The following ABRAXAS1 variants were observed in gnomAD, a reference collection of about 807,000 sequenced individuals.
The protein encoded by ABRAXAS1 is abraxas 1, BRCA1 A complex subunit.
Under a neutral mutation model 38.4 loss-of-function variants are expected in ABRAXAS1, and 26 were observed. That is an observed-to-expected ratio of 0.68 (90% CI 0.50 to 0.94). The LOEUF is 0.94. ABRAXAS1 is among the 40% of genes least tolerant of loss of function. The probability of loss-of-function intolerance (pLI) is 0.00; values close to 1 mark genes in which losing one functional copy is unlikely to be tolerated. For synonymous variants in ABRAXAS1, 144 were observed against 165.5 expected (o/e 0.87, Z 1.00); for missense variants, 438 against 481.9 (o/e 0.91, Z 0.85).
intron 6 of ABRAXAS1, among the ~76,000 whole-genome samples, chr4:83,468,315 A>C (rs913204711): frequency 6.6e-6 from 1 of 151,672 alleles, no homozygotes; most frequent in African/African-American, 2.4e-5. Context: ...TTAAAAGAAA[A>C]AAAAAAAAAA....
At position 83,459,947 on chromosome 4, in the gene ABRAXAS1, A is replaced by T. The variant is rs919547426; in HGVS notation, c.*2522T>A. 7 of 591,802 alleles carry T rather than the reference A, an allele frequency of 1.2e-5. No individual in the cohort carries two copies. Among genetic ancestry groups the T allele is most frequent in the Non-Finnish European group, 2.0e-5 (7 of 347,794 alleles). 36.7% of individuals were successfully genotyped at this position (591,802 alleles called of 1,614,324 possible). On this transcript the variant is annotated 3_prime_UTR_variant, in exon 9 of 9. Coordinates refer to ENST00000321945, the MANE Select transcript of ABRAXAS1 (RefSeq NM_139076.3). ...GGACTAGAGCTAGTTACTATGAAAA[A>T]GTCTCTTAGGCCAAGAGGATTATTA...
In ABRAXAS1 at chr4:83,460,651, C is replaced by T; in HGVS notation, c.*1818G>A. 2 of 280,838 alleles carry T rather than the reference C, an allele frequency of 7.1e-6. No homozygotes were observed. The highest frequency in any genetic ancestry group is 7.4e-5 in the South Asian group (2 of 26,890). 17.4% of individuals were successfully genotyped at this position (280,838 alleles called of 1,614,324 possible). ...GGGCATGTTGGCTCACACCTGTAAT[C>T]CCAGCACTTTGGGAGGCTGAGGTGG... On this transcript the variant is annotated 3_prime_UTR_variant, in exon 9 of 9. Coordinates refer to ENST00000321945, the MANE Select transcript of ABRAXAS1 (RefSeq NM_139076.3).
Position 83,460,675 on chromosome 4 carries a change from GGGCA to G in ABRAXAS1, c.*1790_*1793del. ...TCCCAGCACTTTGGGAGGCTGAGGT[GGGCA>G]GATCACCTGAGGCCAGGAGTTCAGG... On this transcript the variant is annotated 3_prime_UTR_variant, in exon 9 of 9. Transcript: ENST00000321945. The G allele has an allele frequency of 3.2e-6, 1 of 309,916 alleles. No homozygotes were observed. Among genetic ancestry groups the G allele is most frequent in the Non-Finnish European group, 6.1e-6 (1 of 163,964 alleles). 19.2% of individuals were successfully genotyped at this position (309,916 alleles called of 1,614,324 possible).
In ABRAXAS1 at chr4:83,459,831, A is replaced by G. The variant is rs374372792; in HGVS notation, c.*2638T>C. 2 of 1,497,414 alleles carry G rather than the reference A, an allele frequency of 1.3e-6. No homozygotes were observed. The highest frequency in any genetic ancestry group is 1.4e-5 in the African/African-American group (1 of 71,950). 92.8% of individuals were successfully genotyped at this position (1,497,414 alleles called of 1,614,324 possible). On this transcript the variant is annotated 3_prime_UTR_variant, in exon 9 of 9. Coordinates refer to ENST00000321945, the MANE Select transcript of ABRAXAS1 (RefSeq NM_139076.3). Reference sequence around the variant, plus strand: ...TTTTTTATTATGGGAATATAAATGTAGATACGAATTATATCAATCTATTTC... The same window carrying G: ...TTTTTTATTATGGGAATATAAATGTGGATACGAATTATATCAATCTATTTC...
Position 83,460,660 on chromosome 4 carries a change from T to G in ABRAXAS1, c.*1809A>C. The G allele has an allele frequency of 3.5e-6, 1 of 285,898 alleles. No homozygotes were observed. Among genetic ancestry groups the G allele is most frequent in the Non-Finnish European group, 6.7e-6 (1 of 149,394 alleles). 17.7% of individuals were successfully genotyped at this position (285,898 alleles called of 1,614,324 possible). ...GGCTCACACCTGTAATCCCAGCACT[T>G]TGGGAGGCTGAGGTGGGCAGATCAC... is the stretch of plus-strand genomic sequence containing the variant. On this transcript the variant is annotated 3_prime_UTR_variant, in exon 9 of 9. Transcript: ENST00000321945.
chr4:83,483,864 C>T (rs1723081784), intron 1 of ABRAXAS1: 1 of 273,796 alleles, frequency 3.7e-6, no homozygotes, highest in African/African-American at 2.3e-5. Flanking sequence ...TACGGTCCCA[C>T]TCTATCTACA....
Position 83,472,226 on chromosome 4 carries a change from T to C in ABRAXAS1, c.278A>G (p.Lys93Arg), listed in dbSNP as rs1230543521. 5 of 1,517,888 alleles carry C rather than the reference T, an allele frequency of 3.3e-6. No individual in the cohort carries two copies. The highest frequency in any genetic ancestry group is 1.4e-5 in the African/African-American group (1 of 71,012). The allele number at this position is 1,517,888 out of a possible 1,614,324, so 94.0% of individuals were successfully genotyped here. A position where few individuals can be genotyped will look rare whatever the true frequency, so the allele number is the denominator to read the frequency against. Residue 93 changes from lysine (K) to arginine (R), a missense_variant, in exon 4 of 9, where the codon AAA (lysine) becomes AGA (arginine). Physicochemically the swap from Lys to Arg is conservative, Grantham distance 26. Around this residue, in one of 3 missense-constraint regions of ABRAXAS1, gnomAD observed 194 missense variants for 269.0 expected, o/e 0.72. Coordinates refer to ENST00000321945, the MANE Select transcript of ABRAXAS1 (RefSeq NM_139076.3). ...GGAAGATAAATTAGAGAATACCTTT[T>C]TGACATTTGATAATATTTTCTTCAG... ...QALKKILSNV[K>R]KNVVGWYKFR... is the part of the protein sequence containing the mutation.
In ABRAXAS1 at chr4:83,462,505, C is replaced by T. The variant is rs1318264580; in HGVS notation, c.1194G>A (p.Lys398=). The T allele has an allele frequency of 1.2e-6, 2 of 1,613,700 alleles. No individual in the cohort carries two copies. The highest frequency in any genetic ancestry group is 1.7e-6 in the Non-Finnish European group (2 of 1,179,942). Residue 398 remains lysine (K), a synonymous_variant, in exon 9 of 9, where the codon AAG becomes AAA. Coordinates refer to ENST00000321945, the MANE Select transcript of ABRAXAS1 (RefSeq NM_139076.3). ...GAGACCGTGAATATTCACCAAAACC[C>T]TTCATCTTTTCAATTTCTTCATCTG... is the stretch of plus-strand genomic sequence containing the variant. ...PETDEEIEKM[K]GFGEYSRSPT... is the part of the protein sequence containing the mutation.
At chr4:83,472,849 A>T (rs1045793523) in intron 3 of ABRAXAS1, among the ~76,000 whole-genome samples, 1 of 152,202 alleles carries the variant, frequency 6.6e-6, no homozygotes, top group Non-Finnish European at 1.5e-5. Flanking sequence ...TTAAAAGATA[A>T]TTCCAAGTGA....
chr4:83,482,482 G>A (rs886884284), intron 1 of ABRAXAS1, among the ~76,000 whole-genome samples: 2 of 152,186 alleles, frequency 1.3e-5, no homozygotes, highest in African/African-American at 4.8e-5. Flanking sequence ...GCCAAGGTGG[G>A]CAGATAGTTT....
intron 3 of ABRAXAS1, among the ~76,000 whole-genome samples, chr4:83,475,030 AAG>A (rs1722716484): frequency 6.6e-6 from 1 of 152,218 alleles, no homozygotes; most frequent in South Asian, 2.1e-4. Context: ...TTAATCCTGT[AAG>A]AGCTAAAAGG....
intron 2 of ABRAXAS1, chr4:83,478,132 AGG>A (rs1722853941): frequency 1.3e-6 from 1 of 789,740 alleles, no homozygotes; most frequent in African/African-American, 1.7e-5. Flanking sequence ...TAATATTGTC[AGG>A]AATGATGGAA....
At chr4:83,463,338 CAGG>C (rs1722216684) in intron 8 of ABRAXAS1, among the ~76,000 whole-genome samples, 153 bp downstream of exon 8, 1 of 152,198 alleles carries the variant, frequency 6.6e-6, no homozygotes, top group Non-Finnish European at 1.5e-5. Context: ...GAGGCTGAGG[CAGG>C]AGAATCGCTT....
rs573173687 is a variant in ABRAXAS1 at position 83,460,860 on chromosome 4, A to G, written c.*1609T>C. 1 of 840,750 alleles carries G rather than the reference A, an allele frequency of 1.2e-6. No individual in the cohort carries two copies. The highest frequency in any genetic ancestry group is 2.6e-5 in the East Asian group (1 of 38,898). The allele number at this position is 840,750 out of a possible 1,614,324, so 52.1% of individuals were successfully genotyped here. A position where few individuals can be genotyped will look rare whatever the true frequency, so the allele number is the denominator to read the frequency against. The stretch of plus-strand genomic sequence containing the variant: ...GGCGGAGGTTGCAGTGAGGCGAGAG[A>G]GCACCACTGTACTCCAGCCTGGGTG... On this transcript the variant is annotated 3_prime_UTR_variant, in exon 9 of 9. Transcript: ENST00000321945.
At chr4:83,484,202 T>C (rs1417731741) in intron 1 of ABRAXAS1, 4 of 985,086 alleles carry the variant, frequency 4.1e-6, no homozygotes, top group Admixed American at 6.1e-5. Flanking sequence ...ATAGACGTTA[T>C]ATCTTAAAAT....
chr4:83,473,085 C>T (rs1372043008), intron 3 of ABRAXAS1, among the ~76,000 whole-genome samples: 1 of 152,062 alleles, frequency 6.6e-6, no homozygotes, highest in Non-Finnish European at 1.5e-5. Flanking sequence ...TTGAGACCAA[C>T]CTGCGCAATG....
At chr4:83,482,809 C>G (rs1723045183) in intron 1 of ABRAXAS1, among the ~76,000 whole-genome samples, 1 of 152,132 alleles carries the variant, frequency 6.6e-6, no homozygotes, top group Admixed American at 6.5e-5. Context: ...CCTGGGGAGG[C>G]TACAGATTAG....
chr4:83,473,492 A>C (rs564971318), intron 3 of ABRAXAS1, among the ~76,000 whole-genome samples: 1 of 152,202 alleles, frequency 6.6e-6, no homozygotes, highest in African/African-American at 2.4e-5. Context: ...GTTTCTGGGG[A>C]GAAGATGAAG....
chr4:83,484,695 A>G, intron 1 of ABRAXAS1: 1 of 307,402 alleles, frequency 3.3e-6, no homozygotes. Context: ...TTCACGCCCA[A>G]GTTTCCACAG....
Sources: gnomAD v4.1 joint callset for allele counts (sites outside exome capture counted in the v4.1 genomes callset) on GRCh38, gnomAD v4.1.1 for gene constraint, gnomAD v4.1.1 regional missense constraint, MANE v1.5 for transcripts, NCBI Gene and HGNC (gene_info 2026-07-23, HGNC 2026-07-21) for gene names.